The following PCMTD1 variants were observed in gnomAD, a reference collection of about 807,000 sequenced individuals.
The protein encoded by PCMTD1 is protein-L-isoaspartate O-methyltransferase domain-containing protein 1.
A neutral mutation model predicts 37.6 loss-of-function variants in PCMTD1; 12 were observed. That is an observed-to-expected ratio of 0.32 (90% confidence interval 0.20 to 0.52). The LOEUF (loss-of-function observed/expected upper bound fraction) is 0.52. PCMTD1 is among the 20% of genes least tolerant of loss of function. The probability of loss-of-function intolerance (pLI) is 0.97; values close to 1 mark genes in which losing one functional copy is unlikely to be tolerated. For missense variants in PCMTD1, 235 were observed against 421.3 expected (o/e 0.56, Z 3.87); for synonymous variants, 117 against 135.8 (o/e 0.86, Z 0.96).
At position 51,881,128 on chromosome 8, in the gene PCMTD1, A is replaced by AT. The variant is rs1336455310; in HGVS notation, c.-96+17801dup. Among the ~76,000 whole-genome samples the AT allele has an allele frequency of 2.4e-4, 36 of 152,284 alleles. 1 individual carries two copies. Among genetic ancestry groups the AT allele is most frequent in the Admixed American group, 1.5e-3 (23 of 15,302 alleles). ...GAGTCTTCATTACTCTCAATCCTTC[A>AT]TTCTAACTTTCTGCTTCACTCATCT... On this transcript the variant is annotated intron_variant, in intron 1 of 5. Coordinates refer to ENST00000522514, the MANE Select transcript of PCMTD1 (RefSeq NM_052937.4).
rs572985522 is a variant in PCMTD1 at position 51,826,006 on chromosome 8, A to G, written c.707-5288T>C. ...AAATAACATTTGACCCAGCAATCCC[A>G]TTACTGGGTATATACCCAAAGGATT... is the stretch of plus-strand genomic sequence containing the variant. On this transcript the variant is annotated intron_variant, in intron 5 of 5. Transcript: ENST00000522514. Among the ~76,000 whole-genome samples, 143 of 152,278 alleles carry G rather than the reference A, an allele frequency of 9.4e-4. 1 individual carries two copies. The highest frequency in any genetic ancestry group is 1.7e-3 in the Non-Finnish European group (119 of 68,022).
intron 5 of PCMTD1, among the ~76,000 whole-genome samples, chr8:51,825,371 G>A (rs563633358): frequency 6.6e-6 from 1 of 150,670 alleles, no homozygotes; most frequent in Admixed American, 6.7e-5. Context: ...CAAAAAGTGG[G>A]CAAAGGATAT....
chr8:51,823,810 A>C (rs1055788837), intron 5 of PCMTD1, among the ~76,000 whole-genome samples: 7 of 152,220 alleles, frequency 4.6e-5, no homozygotes, highest in Non-Finnish European at 1.5e-5. Flanking sequence ...AATACTGGCA[A>C]ACCGAATCCA....
At chr8:51,843,988 CT>C (rs1350719655) in intron 3 of PCMTD1, among the ~76,000 whole-genome samples, 1 of 152,054 alleles carries the variant, frequency 6.6e-6, no homozygotes, top group Non-Finnish European at 1.5e-5. Flanking sequence ...TCAAAAAGCC[CT>C]TCTGTGTACA....
At chr8:51,860,221 G>C (rs1311746494) in intron 2 of PCMTD1, among the ~76,000 whole-genome samples, 1 of 152,194 alleles carries the variant, frequency 6.6e-6, no homozygotes, top group Non-Finnish European at 1.5e-5. Context: ...TAGGAACACT[G>C]AATGAGTTAA....
chr8:51,846,537 C>CAGTT (rs1412532946), intron 2 of PCMTD1, among the ~76,000 whole-genome samples: 1 of 152,186 alleles, frequency 6.6e-6, no homozygotes, highest in Non-Finnish European at 1.5e-5. Context: ...ACACAAATTA[C>CAGTT]AGTTAGTCCC....
chr8:51,856,847 T>G (rs2038397656), intron 2 of PCMTD1, among the ~76,000 whole-genome samples: 1 of 152,220 alleles, frequency 6.6e-6, no homozygotes, highest in South Asian at 2.1e-4. Flanking sequence ...TGTCAGGGAC[T>G]GGCTGAGTAC....
chr8:51,820,984 T>C (rs41453644), intron 5 of PCMTD1, among the ~76,000 whole-genome samples: 17,895 of 152,152 alleles, frequency 0.12, 1,287 homozygotes, highest in East Asian at 0.17. Flanking sequence ...TCTGGAAGCA[T>C]AAGAATTTGG....
chr8:51,881,858 GC>G (rs1430620059), intron 1 of PCMTD1, among the ~76,000 whole-genome samples: 1 of 152,040 alleles, frequency 6.6e-6, no homozygotes, highest in African/African-American at 2.4e-5. Context: ...TATTTCAGGG[GC>G]ACCTCCAGCC....
intron 1 of PCMTD1, among the ~76,000 whole-genome samples, chr8:51,868,611 A>G (rs2038593767): frequency 6.6e-6 from 1 of 152,176 alleles, no homozygotes; most frequent in African/African-American, 2.4e-5. Context: ...GCCATATGGA[A>G]AATTTCCTAA....
intron 2 of PCMTD1, among the ~76,000 whole-genome samples, chr8:51,854,244 T>C (rs915299877): frequency 6.6e-6 from 1 of 152,202 alleles, no homozygotes; most frequent in Non-Finnish European, 1.5e-5. Flanking sequence ...TATTTACTAT[T>C]ACCCTGTAAT....
At chr8:51,829,553 A>T (rs1166855783) in intron 5 of PCMTD1, among the ~76,000 whole-genome samples, 2 of 152,066 alleles carry the variant, frequency 1.3e-5, no homozygotes, top group Non-Finnish European at 1.5e-5. Flanking sequence ...AGTGCCTGAA[A>T]CTGGGTGGGT....
intron 1 of PCMTD1, among the ~76,000 whole-genome samples, chr8:51,879,346 T>G (rs1321276675): frequency 6.6e-6 from 1 of 152,086 alleles, no homozygotes; most frequent in Non-Finnish European, 1.5e-5. Context: ...ACAGGAAACT[T>G]ATAAGAGCCA....
At chr8:51,820,942 C>G (rs1411430092) in intron 5 of PCMTD1, among the ~76,000 whole-genome samples, 1 of 152,060 alleles carries the variant, frequency 6.6e-6, no homozygotes, top group Admixed American at 6.6e-5. Flanking sequence ...GTGTGTGTGT[C>G]TGTGTGTTGG....
At chr8:51,867,942 G>A (rs977876046) in intron 1 of PCMTD1, among the ~76,000 whole-genome samples, 8 of 152,084 alleles carry the variant, frequency 5.3e-5, no homozygotes, top group Non-Finnish European at 1.2e-4. Context: ...TGTGTTATCT[G>A]TGATTGCTGA....
rs563572370 is a variant in PCMTD1, at chr8:51,817,806, G to A, written c.*2545C>T. On this transcript the variant is annotated 3_prime_UTR_variant, in exon 6 of 6. Coordinates refer to ENST00000522514, the MANE Select transcript of PCMTD1 (RefSeq NM_052937.4). ...AGATTTAAATTATCTTCTTGGGTTG[G>A]TCTGAGGTTGCTGATGGATTCTTGG... 4.2e-5 allele frequency: 19 copies of A among 456,484 alleles called. No individual in the cohort carries two copies. Among genetic ancestry groups the A allele is most frequent in the African/African-American group, 2.2e-4 (11 of 50,222 alleles). The allele number at this position is 456,484 out of a possible 1,614,324, so 28.3% of individuals were successfully genotyped here.
chr8:51,888,458 G>A (rs577495809), intron 1 of PCMTD1, among the ~76,000 whole-genome samples: 6 of 152,170 alleles, frequency 3.9e-5, no homozygotes, highest in East Asian at 1.9e-4. Context: ...CCTGATTTTC[G>A]TAATGCTCCC....
At chr8:51,844,373 G>T (rs557402568) in intron 3 of PCMTD1, among the ~76,000 whole-genome samples, 1 of 152,198 alleles carries the variant, frequency 6.6e-6, no homozygotes, top group African/African-American at 2.4e-5. Context: ...CAAGTGGCTT[G>T]CTTAAATTCA....
chr8:51,874,510 T>C (rs2038685053), intron 1 of PCMTD1, among the ~76,000 whole-genome samples: 1 of 152,202 alleles, frequency 6.6e-6, no homozygotes, highest in South Asian at 2.1e-4. Context: ...ATAAACTGTT[T>C]AAAAATTACT....
Sources: allele counts gnomAD v4.1 joint callset (sites outside exome capture counted in the v4.1 genomes callset), GRCh38; gene constraint gnomAD v4.1.1; transcripts MANE v1.5; gene names NCBI Gene and HGNC (gene_info 2026-07-23, HGNC 2026-07-21).